CAPN14: variants seen among roughly 807,000 people sequenced by gnomAD.
CAPN14 encodes calpain-14.
Under a neutral mutation model 101.3 loss-of-function variants are expected in CAPN14, and 94 were observed. That is an observed-to-expected ratio of 0.93 (90% CI 0.79 to 1.10). CAPN14 has a LOEUF of 1.10. CAPN14 is among the 50% of genes least tolerant of loss of function. The pLI is 0.00. For missense variants in CAPN14, 837 were observed against 828.4 expected, an observed-to-expected ratio of 1.01 and a Z score of -0.13; for synonymous variants, 338 against 317.9, an observed-to-expected ratio of 1.06 and a Z score of -0.67.
intron 1 of CAPN14, among the ~76,000 whole-genome samples, chr2:31,208,705 T>C (rs1450220191): frequency 6.6e-6 from 1 of 152,202 alleles, no homozygotes; most frequent in Admixed American, 6.5e-5. Flanking sequence ...ATGGATGAAA[T>C]TGGCTCATTT....
chr2:31,196,994 T>C (rs983398413), intron 8 of CAPN14, among the ~76,000 whole-genome samples: 12 of 152,162 alleles, frequency 7.9e-5, no homozygotes, highest in African/African-American at 1.2e-4. Flanking sequence ...AATGAGATAA[T>C]AAAAATTCAA....
At chr2:31,224,806 T>A (rs1682971552) in intron 2 of CAPN14, among the ~76,000 whole-genome samples, 2 of 151,984 alleles carry the variant, frequency 1.3e-5, no homozygotes, top group South Asian at 4.1e-4. Context: ...TATCTGAGAA[T>A]AATCAAGGAA....
At chr2:31,187,631 C>A in intron 15 of CAPN14, 127 bp downstream of exon 15, 1 of 755,738 alleles carries the variant, frequency 1.3e-6, no homozygotes, top group Non-Finnish European at 2.1e-6. Context: ...GCAGTTTGGG[C>A]AATAGGTAGC....
At position 31,210,172 on chromosome 2, in the gene CAPN14, G is replaced by A. The variant is rs180929229; in HGVS notation, c.-52-4673C>T. 7.9e-5 allele frequency among the ~76,000 whole-genome samples: 12 copies of A among 152,262 alleles called. No individual in the cohort carries two copies. The East Asian group carries it at 1.9e-3, about 25-fold the overall frequency. On this transcript the variant is annotated intron_variant, in intron 1 of 21. Coordinates refer to ENST00000403897, the MANE Select transcript of CAPN14 (RefSeq NM_001145122.2). ...TGAAAGTTCAGTCAGGGCCAGGAGC[G>A]GTGGCTCACGCCTGTAATCCCAGCA... is the stretch of plus-strand genomic sequence containing the variant.
At chr2:31,190,121 C>CTTTGT (rs3031864) in intron 12 of CAPN14, among the ~76,000 whole-genome samples, 55,777 of 150,520 alleles carry the variant, frequency 0.37, 12,513 homozygotes, top group African/African-American at 0.63. Context: ...TGGGTATCTG[C>CTTTGT]TTTATCTGAT....
chr2:31,189,175 C>T (rs1681053653), intron 13 of CAPN14, 98 bp downstream of exon 13: 1 of 1,060,618 alleles, frequency 9.4e-7, no homozygotes, highest in Non-Finnish European at 1.4e-6. Context: ...TTTGTCTCAG[C>T]AGCAGAGATC....
intron 10 of CAPN14, 28 bp from the exon 11 acceptor site, chr2:31,192,126 T>G: frequency 6.6e-7 from 1 of 1,519,640 alleles, no homozygotes; most frequent in Non-Finnish European, 8.9e-7. Flanking sequence ...AAGGTGAGAA[T>G]GGGCCCCGGA....
chr2:31,228,774 T>C (rs753997627), intron 1 of CAPN14, among the ~76,000 whole-genome samples: 5 of 152,200 alleles, frequency 3.3e-5, no homozygotes, highest in African/African-American at 4.8e-5. Context: ...GAAAAAATGC[T>C]ATTGCCATCT....
chr2:31,211,703 T>G (rs1235422589), intron 1 of CAPN14, among the ~76,000 whole-genome samples: 1 of 106,670 alleles, frequency 9.4e-6, no homozygotes, highest in African/African-American at 3.1e-5. Flanking sequence ...ACACACACGA[T>G]GGGAAGAAAA....
intron 17 of CAPN14, 136 bp from the exon 18 acceptor site, chr2:31,178,715 G>C (rs1680437040): frequency 5.1e-6 from 3 of 590,396 alleles, no homozygotes; most frequent in Non-Finnish European, 8.7e-6. Flanking sequence ...GATTTCGCTA[G>C]TTCGCCTCAC....
At chr2:31,186,664 A>T (rs1221442319) in intron 15 of CAPN14, among the ~76,000 whole-genome samples, 179 bp from the exon 16 acceptor site, 1 of 152,214 alleles carries the variant, frequency 6.6e-6, no homozygotes, top group East Asian at 1.9e-4. Flanking sequence ...AAGAACAGTG[A>T]TTCTCGAAGG....
chr2:31,180,762 C>G (rs540915300), intron 17 of CAPN14, among the ~76,000 whole-genome samples, 174 bp downstream of exon 17: 1 of 152,300 alleles, frequency 6.6e-6, no homozygotes, highest in Admixed American at 6.5e-5. Context: ...AAGTAAGTTT[C>G]AACACTCTCT....
chr2:31,219,105 T>C (rs536667076), upstream of CAPN14, among the ~76,000 whole-genome samples: 1 of 152,264 alleles, frequency 6.6e-6, no homozygotes, highest in Admixed American at 6.5e-5. Flanking sequence ...GACAGCACCC[T>C]GCACCTGGCA....
intron 6 of CAPN14, 34 bp downstream of exon 6, chr2:31,200,412 GGAGAA>G: frequency 1.3e-6 from 2 of 1,522,116 alleles, no homozygotes; most frequent in Non-Finnish European, 1.8e-6. Flanking sequence ...CATGGGTGCA[GGAGAA>G]GAGGACATTC....
At chr2:31,203,810 G>A (rs1681925241) in intron 2 of CAPN14, among the ~76,000 whole-genome samples, 1 of 152,270 alleles carries the variant, frequency 6.6e-6, no homozygotes, top group Admixed American at 6.5e-5. Context: ...GAGTAGGGAA[G>A]AGAAAAGGAA....
chr2:31,175,284 A>T (rs1020775992), intron 21 of CAPN14, among the ~76,000 whole-genome samples: 2 of 152,212 alleles, frequency 1.3e-5, no homozygotes, highest in East Asian at 3.9e-4. Flanking sequence ...TGAGCCACAG[A>T]TGGTCAGAGC....
chr2:31,226,345 A>G (rs1683021373), intron 2 of CAPN14, among the ~76,000 whole-genome samples: 1 of 152,208 alleles, frequency 6.6e-6, no homozygotes. Flanking sequence ...TAAGGTTATA[A>G]TAATTGGCCA....
rs1246842496 is a variant in CAPN14 at position 31,200,610 on chromosome 2, A to G, written c.567T>C (p.Tyr189=). ...EKAYAKLSGS[Y]EDLQSGQVSE... is the part of the protein sequence containing the mutation. The stretch of plus-strand genomic sequence containing the variant: ...ACACCTGTCCTGACTGCAAGTCTTC[A>G]TAGGAACCAGAGAGCCTGGCCAGGG... Residue 189 remains tyrosine (Y), a synonymous_variant, in exon 6 of 22, where the codon TAT becomes TAC. Coordinates refer to ENST00000403897, the MANE Select transcript of CAPN14 (RefSeq NM_001145122.2). The G allele has an allele frequency of 6.5e-7, 1 of 1,550,272 alleles. No individual in the cohort carries two copies. Among genetic ancestry groups the G allele is most frequent in the Non-Finnish European group, 8.7e-7 (1 of 1,146,534 alleles).
At chr2:31,182,376 G>A (rs1180885509) in intron 16 of CAPN14, among the ~76,000 whole-genome samples, 2 of 148,500 alleles carry the variant, frequency 1.3e-5, no homozygotes, top group African/African-American at 5.1e-5. Flanking sequence ...ATTCAATTGG[G>A]AAGAGAGGAA....
Sources: gnomAD v4.1 joint callset for allele counts (sites outside exome capture counted in the v4.1 genomes callset) on GRCh38, gnomAD v4.1.1 for gene constraint, MANE v1.5 for transcripts, NCBI Gene and HGNC (gene_info 2026-07-23, HGNC 2026-07-21) for gene names.